RMDN2: variants seen among roughly 807,000 people sequenced by gnomAD.
RMDN2 encodes regulator of microtubule dynamics 2, also known as regulator of microtubule dynamics protein 2.
Under a neutral mutation model 52.8 loss-of-function variants are expected in RMDN2, and 61 were observed. The ratio of observed to expected loss-of-function variants is 1.16; its 90% confidence interval spans 0.94 to 1.43. The LOEUF (loss-of-function observed/expected upper bound fraction) is 1.43. Among genes scored for constraint, RMDN2 ranks in the 40% most tolerant of loss-of-function variants. The pLI, the probability that RMDN2 is intolerant of heterozygous loss-of-function variation, is 0.00. For missense variants in RMDN2, 592 were observed against 475.3 expected, an observed-to-expected ratio of 1.25 and a Z score of -2.28; for synonymous variants, 180 against 153.1, an observed-to-expected ratio of 1.18 and a Z score of -1.30.
In RMDN2 at chr2:38,017,249, T is replaced by C; in HGVS notation, c.*10T>C. The C allele has an allele frequency of 6.6e-7, 1 of 1,525,446 alleles. No homozygotes were observed. Among genetic ancestry groups the C allele is most frequent in the South Asian group, 1.3e-5 (1 of 78,896 alleles). 94.5% of individuals were successfully genotyped at this position (1,525,446 alleles called of 1,614,324 possible). A position where few individuals can be genotyped will look rare whatever the true frequency, so the allele number is the denominator to read the frequency against. ...TTCCTTGAAGAGGTAAATAAACGAA[T>C]TTACTCTTCAACAAATCAGATGTGG... is the stretch of plus-strand genomic sequence containing the variant. On this transcript the variant is annotated 3_prime_UTR_variant, in exon 11 of 11. Coordinates refer to ENST00000354545, the MANE Select transcript of RMDN2 (RefSeq NM_001170791.3).
At chr2:38,003,322 G>T (rs1216371373) in intron 8 of RMDN2, among the ~76,000 whole-genome samples, 5 of 152,146 alleles carry the variant, frequency 3.3e-5, no homozygotes, top group African/African-American at 4.8e-5. Context: ...GGAGGTCGAG[G>T]AGGGTGGATC....
intron 7 of RMDN2, among the ~76,000 whole-genome samples, chr2:37,994,914 C>T (rs1318856370): frequency 6.6e-6 from 1 of 152,106 alleles, no homozygotes; most frequent in African/African-American, 2.4e-5. Context: ...CAGAAGACTA[C>T]CTAATTGCAT....
chr2:38,039,091 CACAGAGAGAG>C (rs1216625163), intron 10 of RMDN2, among the ~76,000 whole-genome samples: 4 of 104,116 alleles, frequency 3.8e-5, no homozygotes, highest in South Asian at 5.1e-4. Flanking sequence ...CACACACACA[CACAGAGAGAG>C]AGATAAAATG....
Position 38,010,425 on chromosome 2 carries a change from C to G in RMDN2, c.1179+6209C>G, listed in dbSNP as rs570947787. On this transcript the variant is annotated intron_variant, in intron 10 of 10. Coordinates refer to ENST00000354545, the MANE Select transcript of RMDN2 (RefSeq NM_001170791.3). ...CTCGGCAATGGCTCGCTCCCCTCCC[C>G]CAGCCTTGCTGCTGCCTTGCAGTTT... Among the ~76,000 whole-genome samples, 23 of 152,336 alleles carry G rather than the reference C, an allele frequency of 1.5e-4. 1 individual carries two copies. The South Asian group carries it at 2.3e-3, about 15-fold the overall frequency.
intron 2 of RMDN2, among the ~76,000 whole-genome samples, chr2:37,969,431 T>C (rs973246377): frequency 2.0e-5 from 3 of 151,712 alleles, no homozygotes; most frequent in East Asian, 1.9e-4. Flanking sequence ...TTTAAAACTT[T>C]TGTGAAATTT....
At chr2:37,925,734 C>T (rs1233309480) in intron 1 of RMDN2, among the ~76,000 whole-genome samples, 4 of 152,228 alleles carry the variant, frequency 2.6e-5, no homozygotes, top group African/African-American at 9.6e-5. Context: ...AGTTTGCTGC[C>T]TCGGCCCGGC....
chr2:37,962,944 GCTAGGGGAGTGAGTTCCC>G (rs1237644126), intron 2 of RMDN2: 1 of 152,476 alleles, frequency 6.6e-6, no homozygotes, highest in Non-Finnish European at 1.5e-5. Context: ...GCTTCCCTTG[GCTAGGGGAGTGAGTTCCC>G]CAACCCCTTG....
rs758853675 is a variant in RMDN2, at chr2:37,951,400, G to T, written c.452+21671G>T. 5.0e-6 allele frequency: 8 copies of T among 1,613,052 alleles called. No individual in the cohort carries two copies. In the African/African-American group the frequency reaches 8.0e-5, roughly 16 times the overall value. On this transcript the variant is annotated intron_variant, in intron 2 of 10. Transcript: ENST00000354545. Reference sequence around the variant, plus strand: ...AAAGTCAATGCAGCCAAAGCAAGTAGAAGGTTATTATCTGTATCAAGTCCA... The same window carrying T: ...AAAGTCAATGCAGCCAAAGCAAGTATAAGGTTATTATCTGTATCAAGTCCA...
chr2:37,958,888 G>C (rs1572803716), intron 2 of RMDN2, among the ~76,000 whole-genome samples: 1 of 150,994 alleles, frequency 6.6e-6, no homozygotes, highest in Middle Eastern at 3.4e-3. Flanking sequence ...TGCATCTATT[G>C]TGATAATCAA....
chr2:38,062,553 G>C (rs769318417), intron 10 of RMDN2, among the ~76,000 whole-genome samples: 7 of 152,130 alleles, frequency 4.6e-5, no homozygotes, highest in Non-Finnish European at 1.0e-4. Context: ...GCTTTTGTGT[G>C]AATGTGTTTT....
At chr2:37,994,338 G>A (rs1212492331) in intron 7 of RMDN2, among the ~76,000 whole-genome samples, 3 of 152,120 alleles carry the variant, frequency 2.0e-5, no homozygotes, top group East Asian at 3.9e-4. Context: ...AAACTGTTAC[G>A]GCCATGTAAC....
intron 10 of RMDN2, chr2:38,039,190 A>G (rs1310767715): frequency 6.6e-6 from 1 of 152,086 alleles, no homozygotes. Flanking sequence ...GATTATGGTA[A>G]AATAATTTAG....
intron 4 of RMDN2, chr2:37,976,195 A>G (rs1672438431): frequency 6.6e-6 from 1 of 152,180 alleles, no homozygotes; most frequent in Non-Finnish European, 1.5e-5. Flanking sequence ...TGACATCTAT[A>G]CTTTTCTACA....
At chr2:37,940,548 T>G (rs1228930344) in intron 2 of RMDN2, among the ~76,000 whole-genome samples, 1 of 152,230 alleles carries the variant, frequency 6.6e-6, no homozygotes, top group Non-Finnish European at 1.5e-5. Context: ...TCTTTTCAGA[T>G]AGTCCCATGT....
At chr2:37,998,027 C>T (rs1027017548) in intron 8 of RMDN2, 2 of 162,712 alleles carry the variant, frequency 1.2e-5, no homozygotes, top group Non-Finnish European at 2.6e-5. Context: ...TCAATCCTGT[C>T]TTAAAATGTA....
At chr2:38,009,634 AC>A (rs1677653391) in intron 10 of RMDN2, among the ~76,000 whole-genome samples, 1 of 151,632 alleles carries the variant, frequency 6.6e-6, no homozygotes, top group Admixed American at 6.6e-5. Context: ...AAGGTTTTTA[AC>A]TTCTTTGCCA....
downstream of RMDN2, among the ~76,000 whole-genome samples, chr2:38,019,916 G>A (rs1387316870): frequency 6.6e-6 from 1 of 152,110 alleles, no homozygotes; most frequent in African/African-American, 2.4e-5. Flanking sequence ...CACTCTGGGT[G>A]ACAGAGTGAA....
At chr2:38,059,835 G>A (rs1237609138) in intron 10 of RMDN2, among the ~76,000 whole-genome samples, 4 of 152,158 alleles carry the variant, frequency 2.6e-5, no homozygotes, top group African/African-American at 9.7e-5. Context: ...GGGCACTGAA[G>A]AAGAAGGACA....
intron 10 of RMDN2, among the ~76,000 whole-genome samples, chr2:38,064,239 C>T (rs1345812368): frequency 4.6e-5 from 7 of 152,160 alleles, no homozygotes; most frequent in Non-Finnish European, 7.3e-5. Context: ...TTGGTTCACA[C>T]CTGTAATCCC....
Sources: allele counts gnomAD v4.1 joint callset (sites outside exome capture counted in the v4.1 genomes callset), GRCh38; gene constraint gnomAD v4.1.1; transcripts MANE v1.5; gene names NCBI Gene and HGNC (gene_info 2026-07-23, HGNC 2026-07-21).